Variants in KIF19 observed in about 807,000 individuals in gnomAD.
KIF19 encodes kinesin family member 19.
A neutral mutation model predicts 106.6 loss-of-function variants in KIF19; 98 were observed. The ratio of observed to expected loss-of-function variants is 0.92; its 90% CI spans 0.78 to 1.09. KIF19 has a LOEUF of 1.09. Ranked by LOEUF, KIF19 falls within the 50% of genes least tolerant of loss-of-function variation. KIF19 has a pLI of 0.00. For missense variants in KIF19, 1,373 were observed against 1,414.3 expected, an observed-to-expected ratio of 0.97 and a Z score of 0.47; for synonymous variants, 516 against 584.2, an observed-to-expected ratio of 0.88 and a Z score of 1.68.
chr17:74,349,376 C>T (rs373887614), intron 10 of KIF19, 27 bp downstream of exon 10: 35 of 1,559,544 alleles, frequency 2.2e-5, no homozygotes, highest in Middle Eastern at 1.7e-4. Flanking sequence ...GTGTGAGTGG[C>T]AGCCCCCTCC....
chr17:74,342,002 G>A lies in KIF19; in HGVS notation c.231+16G>A. On this transcript the variant is annotated intron_variant, in intron 3 of 19. Coordinates refer to ENST00000389916, the MANE Select transcript of KIF19 (RefSeq NM_153209.4). ...CGCCACCCAGGTGAGGGAGGGCCTGGGCTGGAGACACGCAGGAGCCCCTCC... is the reference window on the plus strand; with the variant it reads ...CGCCACCCAGGTGAGGGAGGGCCTGAGCTGGAGACACGCAGGAGCCCCTCC... 3 of 1,581,472 alleles carry A rather than the reference G, an allele frequency of 1.9e-6. No homozygotes were observed. Among genetic ancestry groups the A allele is most frequent in the Non-Finnish European group, 2.6e-6 (3 of 1,163,960 alleles).
intron 9 of KIF19, 76 bp from the exon 10 acceptor site, chr17:74,349,108 A>T: frequency 6.7e-7 from 1 of 1,495,676 alleles, no homozygotes; most frequent in Non-Finnish European, 9.2e-7. Context: ...AGGGGGAAGA[A>T]AGGCCCTGCA....
chr17:74,337,604 G>T (rs1432234051), intron 2 of KIF19, among the ~76,000 whole-genome samples: 1 of 152,164 alleles, frequency 6.6e-6, no homozygotes, highest in Non-Finnish European at 1.5e-5. Context: ...TCATTCTTTA[G>T]GACTCAATGC....
intron 14 of KIF19, 28 bp downstream of exon 14, chr17:74,352,368 A>T (rs1160553457): frequency 1.3e-6 from 2 of 1,589,610 alleles, no homozygotes; most frequent in African/African-American, 2.7e-5. Context: ...CGGCCTGAAC[A>T]TGGGCACATG....
intron 2 of KIF19, among the ~76,000 whole-genome samples, chr17:74,337,200 T>C (rs2144224159): frequency 1.3e-5 from 2 of 152,246 alleles, no homozygotes. Context: ...CCTGGCACAA[T>C]CACCACTCCC....
chr17:74,350,941 T>A, intron 12 of KIF19, 36 bp downstream of exon 12: 1 of 1,607,820 alleles, frequency 6.2e-7, no homozygotes, highest in Non-Finnish European at 8.5e-7. Context: ...AGAGTGGGTT[T>A]AGGGGACAGG....
At chr17:74,350,336 G>T in intron 10 of KIF19, 65 bp from the exon 11 acceptor site, 1 of 1,469,412 alleles carries the variant, frequency 6.8e-7, no homozygotes. Context: ...GGGCCCAGGT[G>T]GGCCCAGGCT....
At position 74,331,992 on chromosome 17, in the gene KIF19, G is replaced by A. The variant is rs1232031042; in HGVS notation, c.120+3487G>A. 6.6e-6 allele frequency among the ~76,000 whole-genome samples: 1 copy of A among 152,132 alleles called. No homozygotes were observed. Among genetic ancestry groups the A allele is most frequent in the Non-Finnish European group, 1.5e-5 (1 of 68,030 alleles). Reference sequence around the variant, plus strand: ...TCTTTAGAGGGTCCCTGTGGCTAACGGAGGCACAGTGCATAACACAGTGCC... The same window carrying A: ...TCTTTAGAGGGTCCCTGTGGCTAACAGAGGCACAGTGCATAACACAGTGCC... On this transcript the variant is annotated intron_variant, in intron 2 of 19. Transcript: ENST00000389916. The surrounding 1 kb of genome is among the most constrained non-coding windows in gnomAD (Gnocchi z 4.1).
chr17:74,336,851 A>G (rs1336118742), intron 2 of KIF19, among the ~76,000 whole-genome samples: 3 of 152,020 alleles, frequency 2.0e-5, no homozygotes, highest in Non-Finnish European at 4.4e-5. Context: ...TTTGAGACAG[A>G]GTCTCGCTCT....
intron 6 of KIF19, 121 bp from the exon 7 acceptor site, chr17:74,344,640 C>A: frequency 9.1e-7 from 1 of 1,094,346 alleles, no homozygotes; most frequent in Non-Finnish European, 1.3e-6. Context: ...CAGCCCACTC[C>A]AGCCTGCCCT....
intron 3 of KIF19, 75 bp from the exon 4 acceptor site, chr17:74,342,555 G>T: frequency 8.7e-7 from 1 of 1,143,478 alleles, no homozygotes; most frequent in Admixed American, 1.7e-5. Flanking sequence ...CCTATCAGAG[G>T]TCAGGAAGAG....
rs374070614 is a variant in KIF19, at chr17:74,355,661, G to A, written c.*349G>A. The A allele has an allele frequency of 5.8e-5, 12 of 205,220 alleles. No individual in the cohort carries two copies. Among genetic ancestry groups the A allele is most frequent in the African/African-American group, 2.3e-4 (10 of 44,030 alleles). 12.7% of individuals were successfully genotyped at this position (205,220 alleles called of 1,614,324 possible). A position where few individuals can be genotyped will look rare whatever the true frequency, so the allele number is the denominator to read the frequency against. On this transcript the variant is annotated 3_prime_UTR_variant, in exon 20 of 20. Coordinates refer to ENST00000389916, the MANE Select transcript of KIF19 (RefSeq NM_153209.4). Reference sequence around the variant, plus strand: ...CAGTGAGACGGGGCTCCTGGCCCACGTGTGGGGCACGGGCATCCTGGATGG... The same window carrying A: ...CAGTGAGACGGGGCTCCTGGCCCACATGTGGGGCACGGGCATCCTGGATGG...
chr17:74,350,523 CG>C lies in KIF19; in HGVS notation c.1337del (p.Arg446ProfsTer229). The stretch of plus-strand genomic sequence containing the variant: ...GAGGCGCCTGCTGGAGCTGGAGAAC[CG>C]CGCCATGGAGGTCCAGATTGACACC... ...VRRRLLELENRAMEVQIDTSR... is the reference protein window; with the variant it reads ...VRRRLLELENXAMEVQIDTSR... On this transcript the variant is annotated frameshift_variant, in exon 11 of 20. Transcript: ENST00000389916. LOFTEE classifies it high-confidence loss of function. 6.2e-7 allele frequency: 1 copy of C among 1,612,864 alleles called. No individual in the cohort carries two copies. Among genetic ancestry groups the C allele is most frequent in the South Asian group, 1.1e-5 (1 of 91,030 alleles).
Position 74,342,701 on chromosome 17 carries a change from T to A in KIF19, c.303T>A (p.Phe101Leu). Residue 101 changes from phenylalanine to leucine, a missense_variant, in exon 4 of 20, where the codon TTT (phenylalanine) becomes TTA (leucine). This residue lies in a region of KIF19 where 348 missense variants were observed against 389.5 expected (regional missense o/e 0.89). Transcript: ENST00000389916. Reference sequence around the variant, plus strand: ...TCTCAGGCTACAATGCCACTGTCTTTGCCTATGGCCCCACAGGTAAGGGGA... The same window carrying A: ...TCTCAGGCTACAATGCCACTGTCTTAGCCTATGGCCCCACAGGTAAGGGGA... ...GVISGYNATV[F>L]AYGPTGCGKT... The A allele has an allele frequency of 3.7e-6, 6 of 1,613,574 alleles. No homozygotes were observed. Among genetic ancestry groups the A allele is most frequent in the Non-Finnish European group, 5.1e-6 (6 of 1,179,786 alleles).
intron 2 of KIF19, among the ~76,000 whole-genome samples, chr17:74,332,188 GTGTGTGTGTGTGTGTGTGTGTT>G (rs1266417268): frequency 6.0e-5 from 3 of 49,608 alleles, no homozygotes; most frequent in Admixed American, 3.2e-4. Flanking sequence ...CAGTGTGTGT[GTGTGTGTGTGTGTGTGTGTGTT>G]TGTGTGTGTG....
intron 16 of KIF19, 94 bp from the exon 17 acceptor site, chr17:74,353,400 G>A (rs1598400608): frequency 6.9e-7 from 1 of 1,451,998 alleles, no homozygotes; most frequent in Non-Finnish European, 9.5e-7. Context: ...TTCCCAAACG[G>A]CACCAGCTTG....
At chr17:74,347,977 C>T (rs2054587326) in intron 9 of KIF19, 78 bp downstream of exon 9, 1 of 1,484,228 alleles carries the variant, frequency 6.7e-7, no homozygotes, top group African/African-American at 1.4e-5. Flanking sequence ...CCCTGCCACC[C>T]CACTGCACTC....
intron 16 of KIF19, 77 bp from the exon 17 acceptor site, chr17:74,353,417 C>CA: frequency 6.7e-7 from 1 of 1,481,540 alleles, no homozygotes; most frequent in South Asian, 1.2e-5. Flanking sequence ...CTTGAGGCCC[C>CA]GCTGTCTCTG....
intron 14 of KIF19, 128 bp downstream of exon 14, chr17:74,352,468 C>T (rs1343886040): frequency 8.2e-7 from 1 of 1,219,096 alleles, no homozygotes; most frequent in Non-Finnish European, 1.1e-6. Flanking sequence ...GGAGTTGACT[C>T]CCTTTCCTTC....
Sources: gnomAD v4.1 joint callset for allele counts (sites outside exome capture counted in the v4.1 genomes callset) on GRCh38, gnomAD v4.1.1 for gene constraint, gnomAD v4.1.1 regional missense constraint, Gnocchi (gnomAD v3.1) non-coding constraint, MANE v1.5 for transcripts, NCBI Gene and HGNC (gene_info 2026-07-23, HGNC 2026-07-21) for gene names.